TERB2: variants seen among roughly 807,000 people sequenced by gnomAD.
TERB2 encodes telomere repeat binding bouquet formation protein 2, also known as telomere repeats-binding bouquet formation protein 2.
A neutral mutation model predicts 29.8 loss-of-function variants in TERB2; 26 were observed. The observed-to-expected ratio is 0.87, with a 90% CI of 0.64 to 1.21. The LOEUF (loss-of-function observed/expected upper bound fraction) is 1.21, where lower values mean the gene tolerates loss of function less well. TERB2 is among the 50% of genes most tolerant of loss of function. The probability of loss-of-function intolerance (pLI) is 0.00; values close to 1 mark genes in which losing one functional copy is unlikely to be tolerated. For missense variants in TERB2, 240 were observed against 268.6 expected, an observed-to-expected ratio of 0.89 and a Z score of 0.74; for synonymous variants, 80 against 90.8, an observed-to-expected ratio of 0.88 and a Z score of 0.68.
intron 4 of TERB2, among the ~76,000 whole-genome samples, chr15:44,962,628 T>A (rs1891824269): frequency 1.3e-5 from 2 of 152,156 alleles, no homozygotes; most frequent in Admixed American, 1.3e-4. Flanking sequence ...GGGGGCTGCC[T>A]GATTAACCAA....
intron 5 of TERB2, among the ~76,000 whole-genome samples, chr15:44,972,865 T>C (rs1430723471): frequency 4.0e-5 from 6 of 151,768 alleles, no homozygotes; most frequent in African/African-American, 1.5e-4. Flanking sequence ...GATTTTATAA[T>C]TGTATAATTA....
At chr15:44,974,665 G>A (rs1892017876) in intron 6 of TERB2, among the ~76,000 whole-genome samples, 1 of 152,184 alleles carries the variant, frequency 6.6e-6, no homozygotes, top group Non-Finnish European at 1.5e-5. Context: ...TTTGATCTGA[G>A]TAGTATTCAG....
At chr15:44,971,235 A>G (rs1220333846) in intron 5 of TERB2, 1 of 152,382 alleles carries the variant, frequency 6.6e-6, no homozygotes, top group East Asian at 1.9e-4. Flanking sequence ...AACAGCCAAA[A>G]ACAGATCGGG....
chr15:44,965,439 TATAA>T (rs1380178529), intron 4 of TERB2, among the ~76,000 whole-genome samples: 2 of 143,782 alleles, frequency 1.4e-5, no homozygotes, highest in Non-Finnish European at 3.0e-5. Flanking sequence ...TTTATAAATA[TATAA>T]ATATATATTT....
intron 4 of TERB2, among the ~76,000 whole-genome samples, chr15:44,964,192 A>C (rs558921311): frequency 6.6e-6 from 1 of 151,606 alleles, no homozygotes; most frequent in Non-Finnish European, 1.5e-5. Context: ...TTTTTATTTT[A>C]TTTTTTTTAA....
chr15:44,964,894 G>A (rs1182874581), intron 4 of TERB2, among the ~76,000 whole-genome samples: 1 of 151,952 alleles, frequency 6.6e-6, no homozygotes, highest in Non-Finnish European at 1.5e-5. Flanking sequence ...GGGCGCAGTG[G>A]GTCGCGCCTG....
intron 6 of TERB2, chr15:44,976,151 C>T (rs1005580188): frequency 6.6e-6 from 1 of 152,314 alleles, no homozygotes; most frequent in Non-Finnish European, 1.5e-5. Flanking sequence ...CTGCCTTGGC[C>T]TCCCAAAGTG....
chr15:44,958,569 G>C, intron 3 of TERB2, 57 bp downstream of exon 3: 3 of 1,470,084 alleles, frequency 2.0e-6, no homozygotes, highest in Non-Finnish European at 2.8e-6. Flanking sequence ...GCTAATCTCT[G>C]TTAAACAGCC....
rs1488733137 is a variant in TERB2 at position 44,956,933 on chromosome 15, C to T, written c.102C>T (p.Ala34=). ...EGGTISDPRA[A]DFLFSCDASH... Reference sequence around the variant, plus strand: ...GAACGATCAGTGACCCGCGAGCCGCCGACTTCTTGTTCAGCTGTGATGCCT... The same window carrying T: ...GAACGATCAGTGACCCGCGAGCCGCTGACTTCTTGTTCAGCTGTGATGCCT... Residue 34 remains alanine (A), a synonymous_variant, in exon 2 of 7, where the codon GCC becomes GCT. Transcript: ENST00000340827. 5.6e-6 allele frequency: 9 copies of T among 1,613,972 alleles called. No individual in the cohort carries two copies. The highest frequency in any genetic ancestry group is 7.6e-6 in the Non-Finnish European group (9 of 1,179,990).
At chr15:44,961,681 C>T in intron 4 of TERB2, 97 bp downstream of exon 4, 2 of 768,310 alleles carry the variant, frequency 2.6e-6, no homozygotes, top group Non-Finnish European at 4.2e-6. Flanking sequence ...CATGTTAGCA[C>T]CAATGAGTCA....
At chr15:44,965,521 A>G (rs1891873879) in intron 4 of TERB2, among the ~76,000 whole-genome samples, 3 of 144,230 alleles carry the variant, frequency 2.1e-5, no homozygotes, top group African/African-American at 7.5e-5. Flanking sequence ...ATAGATATAT[A>G]TAATTATATA....
intron 5 of TERB2, 86 bp downstream of exon 5, chr15:44,966,329 A>C: frequency 4.0e-6 from 3 of 743,264 alleles, no homozygotes; most frequent in Non-Finnish European, 5.8e-6. Context: ...TTTAATTTTC[A>C]GTTTTCCTAT....
At chr15:44,966,789 A>C (rs11635322) in intron 5 of TERB2, among the ~76,000 whole-genome samples, 2,527 of 152,254 alleles carry the variant, frequency 0.017, 22 homozygotes, top group Middle Eastern at 0.031. Flanking sequence ...AAATTGCTTT[A>C]ATATATTACG....
At chr15:44,966,441 C>G (rs144596851) in intron 5 of TERB2, among the ~76,000 whole-genome samples, 198 bp downstream of exon 5, 2 of 151,838 alleles carry the variant, frequency 1.3e-5, no homozygotes, top group African/African-American at 2.4e-5. Context: ...TTATTAAGTA[C>G]GGGAGAAGCA....
rs34188520 is a variant in TERB2 at position 44,968,584 on chromosome 15, CTTTTTTTTTTT to C, written c.434+2358_434+2368del. ...CATATGGCATTTCATTTTGTTTAAC[CTTTTTTTTTTT>C]TTTTTTTTTTTTTTTTGAGACAAAA... On this transcript the variant is annotated intron_variant, in intron 5 of 6. Transcript: ENST00000340827. Among the ~76,000 whole-genome samples the C allele has an allele frequency of 2.2e-4, 22 of 98,488 alleles. No individual in the cohort carries two copies. In the South Asian group the frequency reaches 3.5e-3, roughly 16 times the overall value. The allele number at this position is 98,488 out of a possible 152,430, so 64.6% of individuals were successfully genotyped here.
At chr15:44,957,258 A>T (rs947707513) in intron 2 of TERB2, among the ~76,000 whole-genome samples, 1 of 151,850 alleles carries the variant, frequency 6.6e-6, no homozygotes, top group African/African-American at 2.4e-5. Context: ...AATAAAATAA[A>T]AAATAAATAA....
At chr15:44,972,423 T>C (rs895783000) in intron 5 of TERB2, among the ~76,000 whole-genome samples, 2 of 152,192 alleles carry the variant, frequency 1.3e-5, no homozygotes, top group Non-Finnish European at 2.9e-5. Flanking sequence ...TTGTTAGTTA[T>C]ATGTGATCTA....
rs752515965 is a variant in TERB2 at position 44,958,417 on chromosome 15, T to C, written c.191T>C (p.Phe64Ser). The C allele has an allele frequency of 6.2e-7, 1 of 1,614,100 alleles. No homozygotes were observed. Among genetic ancestry groups the C allele is most frequent in the Non-Finnish European group, 8.5e-7 (1 of 1,180,012 alleles). ...LDYIEDNATV[F>S]HAYYLSAVAN... ...TACATAGAAGATAATGCTACAGTTT[T>C]TCATGCCTACTATCTCTCTGCGGTA... is the stretch of plus-strand genomic sequence containing the variant. Residue 64 changes from phenylalanine (F) to serine (S), a missense_variant, in exon 3 of 7, where the codon TTT becomes TCT. Physicochemically the swap from Phe to Ser is radical, Grantham distance 155 (BLOSUM62 -2). Coordinates refer to ENST00000340827, the MANE Select transcript of TERB2 (RefSeq NM_152448.3).
At chr15:44,966,752 TG>T (rs1439798819) in intron 5 of TERB2, among the ~76,000 whole-genome samples, 7 of 152,294 alleles carry the variant, frequency 4.6e-5, no homozygotes, top group Admixed American at 4.6e-4. Context: ...GGATGAAAAG[TG>T]GTGAGTGATT....
Sources: allele counts gnomAD v4.1 joint callset (sites outside exome capture counted in the v4.1 genomes callset), GRCh38; gene constraint gnomAD v4.1.1; transcripts MANE v1.5; gene names NCBI Gene and HGNC (gene_info 2026-07-23, HGNC 2026-07-21).